TTLL9: variants seen among roughly 807,000 people sequenced by gnomAD.
TTLL9 encodes the protein probable tubulin polyglutamylase TTLL9.
In TTLL9, 47 loss-of-function variants were observed where a neutral mutation model predicts 65.6. That is an observed-to-expected ratio of 0.72 (90% confidence interval 0.57 to 0.91). The LOEUF (loss-of-function observed/expected upper bound fraction) is 0.91, where lower values mean the gene tolerates loss of function less well. TTLL9 is among the 40% of genes least tolerant of loss of function. The pLI is 0.00. For missense variants in TTLL9, 537 were observed against 568.8 expected (o/e 0.94, Z 0.57); for synonymous variants, 179 against 204.8 (o/e 0.87, Z 1.07).
intron 2 of TTLL9, among the ~76,000 whole-genome samples, chr20:31,885,912 G>T (rs1376504843): frequency 6.6e-6 from 1 of 152,258 alleles, no homozygotes; most frequent in African/African-American, 2.4e-5. Context: ...AAACAAATTT[G>T]CATGTTGTGA....
Position 31,939,161 on chromosome 20 carries a change from C to G in TTLL9, c.1138C>G (p.Arg380Gly). 1 of 1,595,586 alleles carries G rather than the reference C, an allele frequency of 6.3e-7. No individual in the cohort carries two copies. The highest frequency in any genetic ancestry group is 1.1e-5 in the South Asian group (1 of 88,104). Reference sequence around the variant, plus strand: ...GTCCAGGCTCACGGGAAGGGAGAAGCGAGTCGGGGGCTTTGACCTCATGTG... The same window carrying G: ...GTCCAGGCTCACGGGAAGGGAGAAGGGAGTCGGGGGCTTTGACCTCATGTG... ...MEARLTGREK[R>G]VGGFDLMWND... is the part of the protein sequence containing the mutation. The change falls in exon 14 of 15, where the codon CGA (arginine) becomes GGA (glycine). Residue 380 changes from arginine (R) to glycine (G), a missense_variant. Transcript: ENST00000535842.
chr20:31,879,911 T>C (rs1443344787), intron 2 of TTLL9: 5 of 1,546,964 alleles, frequency 3.2e-6, no homozygotes, highest in Non-Finnish European at 4.4e-6. Flanking sequence ...GGAGTCGACC[T>C]GACCCAGATG....
chr20:31,914,392 A>G (rs2063702239), intron 6 of TTLL9, among the ~76,000 whole-genome samples: 1 of 152,214 alleles, frequency 6.6e-6, no homozygotes, highest in African/African-American at 2.4e-5. Flanking sequence ...TTGGCGTACA[A>G]CAAGCTGTGC....
rs542831062 is a variant in TTLL9 at position 31,884,939 on chromosome 20, C to T, written c.70-2257C>T. Among the ~76,000 whole-genome samples, 13 of 151,886 alleles carry T rather than the reference C, an allele frequency of 8.6e-5. No individual in the cohort carries two copies. The East Asian group carries it at 1.4e-3, about 16-fold the overall frequency. ...CAATTTACTATCAGCAGGTAGAAAA[C>T]GAAATTTAAAAATACTGTATCCAAT... is the stretch of plus-strand genomic sequence containing the variant. On this transcript the variant is annotated intron_variant, in intron 2 of 14. Coordinates refer to ENST00000535842, the MANE Select transcript of TTLL9 (RefSeq NM_001008409.5).
At chr20:31,921,219 A>G (rs1180254088) in intron 7 of TTLL9, among the ~76,000 whole-genome samples, 5 of 152,252 alleles carry the variant, frequency 3.3e-5, no homozygotes, top group Admixed American at 3.3e-4. Flanking sequence ...GACACATGAA[A>G]AAATGCTCAT....
chr20:31,879,694 T>C (rs974561984), intron 2 of TTLL9: 2 of 876,104 alleles, frequency 2.3e-6, no homozygotes, highest in Admixed American at 5.7e-5. Context: ...GGACCTAGGC[T>C]GCCAGGACGC....
chr20:31,871,157 C>A lies in TTLL9; in HGVS notation c.31C>A (p.Pro11Thr), dbSNP rs1456271640. Residue 11 changes from proline to threonine, a missense_variant, in exon 2 of 15, where the codon CCA (proline) becomes ACA (threonine). Physicochemically the swap from Pro to Thr is conservative, Grantham distance 38. Transcript: ENST00000535842. ...GCCATCCAGGGAAGCTCTGCTGGGA[C>A]CAGGCACAACTGCCATTAGGTGCCC... MVPSREALLG[P>T]GTTAIRCPKK... 1 of 1,614,022 alleles carries A rather than the reference C, an allele frequency of 6.2e-7. No homozygotes were observed. Among genetic ancestry groups the A allele is most frequent in the African/African-American group, 1.3e-5 (1 of 74,904 alleles).
chr20:31,906,874 T>C (rs746887824), intron 4 of TTLL9, among the ~76,000 whole-genome samples: 24 of 152,086 alleles, frequency 1.6e-4, no homozygotes, highest in Non-Finnish European at 2.5e-4. Flanking sequence ...GGTCTCAAAC[T>C]CCCAAACTCA....
intron 2 of TTLL9, among the ~76,000 whole-genome samples, chr20:31,875,967 T>C (rs1035190067): frequency 2.0e-5 from 3 of 152,256 alleles, no homozygotes; most frequent in African/African-American, 7.2e-5. Context: ...TTTTAAACTC[T>C]TACTACCTAT....
intron 4 of TTLL9, among the ~76,000 whole-genome samples, chr20:31,899,666 C>T (rs1185354667): frequency 6.6e-6 from 1 of 151,712 alleles, no homozygotes; most frequent in Non-Finnish European, 1.5e-5. Context: ...AAAGAAAAGG[C>T]AAGCCCATCC....
chr20:31,901,682 C>A (rs1014653503), intron 4 of TTLL9, among the ~76,000 whole-genome samples: 7 of 152,170 alleles, frequency 4.6e-5, no homozygotes, highest in African/African-American at 1.7e-4. Flanking sequence ...GGCCCCAGTC[C>A]CTGCTCTTCC....
intron 10 of TTLL9, among the ~76,000 whole-genome samples, chr20:31,931,994 C>G (rs1053784298): frequency 2.0e-5 from 3 of 152,162 alleles, no homozygotes; most frequent in Non-Finnish European, 4.4e-5. Context: ...CTATTTTTCT[C>G]TATGAATTTC....
chr20:31,923,817 TCTC>T (rs986387243), intron 8 of TTLL9, among the ~76,000 whole-genome samples: 2 of 151,510 alleles, frequency 1.3e-5, no homozygotes, highest in African/African-American at 4.9e-5. Context: ...CTGGGCCTCT[TCTC>T]CTCTCTCCCC....
At chr20:31,900,945 G>C (rs2063469214) in intron 4 of TTLL9, among the ~76,000 whole-genome samples, 1 of 152,192 alleles carries the variant, frequency 6.6e-6, no homozygotes, top group Non-Finnish European at 1.5e-5. Flanking sequence ...GTGCTCCATG[G>C]CTGGTCCCAG....
chr20:31,939,413 C>A, intron 14 of TTLL9, 147 bp downstream of exon 14: 5 of 847,566 alleles, frequency 5.9e-6, no homozygotes, highest in Non-Finnish European at 8.3e-6. Context: ...AGGGACTTAA[C>A]CTCTGTTCCT....
At chr20:31,937,634 C>A in intron 13 of TTLL9, 125 bp downstream of exon 13, 1 of 684,470 alleles carries the variant, frequency 1.5e-6, no homozygotes, top group Non-Finnish European at 2.4e-6. Flanking sequence ...GCCTGCCCCA[C>A]CACTTTATAG....
chr20:31,881,003 A>G (rs972124021), intron 2 of TTLL9, among the ~76,000 whole-genome samples: 45 of 151,938 alleles, frequency 3.0e-4, no homozygotes, highest in African/African-American at 8.5e-4. Flanking sequence ...GTGTGCCACC[A>G]TGCTCAGCTA....
In TTLL9 at chr20:31,921,837, G is replaced by T. The variant is rs144668479; in HGVS notation, c.574-1126G>T. The stretch of plus-strand genomic sequence containing the variant: ...GGGGCTTATTTTGGGGTGGAAGGAG[G>T]GGGGAGGGATAGCATTAGGAGATAC... On this transcript the variant is annotated intron_variant, in intron 7 of 14. Coordinates refer to ENST00000535842, the MANE Select transcript of TTLL9 (RefSeq NM_001008409.5). Among the ~76,000 whole-genome samples the T allele has an allele frequency of 4.9e-3, 747 of 152,228 alleles. 7 individuals are homozygous for T. The highest frequency in any genetic ancestry group is 0.017 in the African/African-American group (707 of 41,514).
At chr20:31,907,214 C>A (rs1165841181) in intron 4 of TTLL9, among the ~76,000 whole-genome samples, 1 of 152,184 alleles carries the variant, frequency 6.6e-6, no homozygotes, top group Non-Finnish European at 1.5e-5. Context: ...TCTCTGTGTG[C>A]CTGCCTCCAT....
Sources: gnomAD v4.1 joint callset for allele counts (sites outside exome capture counted in the v4.1 genomes callset) on GRCh38, gnomAD v4.1.1 for gene constraint, MANE v1.5 for transcripts, NCBI Gene and HGNC (gene_info 2026-07-23, HGNC 2026-07-21) for gene names.